KIF14: variants seen among roughly 807,000 people sequenced by gnomAD.
KIF14 encodes kinesin-like protein KIF14.
A neutral mutation model predicts 176.2 loss-of-function variants in KIF14; 98 were observed. The observed-to-expected ratio is 0.56, with a 90% CI of 0.47 to 0.66. The LOEUF (loss-of-function observed/expected upper bound fraction) is 0.66, where lower values mean the gene tolerates loss of function less well. Among genes scored for constraint, KIF14 ranks in the 30% least tolerant of loss-of-function variants. The pLI is 0.00. For missense variants in KIF14, 1,751 were observed against 1,920.4 expected (o/e 0.91, Z 1.65); for synonymous variants, 566 against 632.2 (o/e 0.90, Z 1.57).
chr1:200,561,810 AAAG>A lies in KIF14; in HGVS notation c.4072-933_4072-931del, dbSNP rs201236965. On this transcript the variant is annotated intron_variant, in intron 25 of 29. Coordinates refer to ENST00000367350, the MANE Select transcript of KIF14 (RefSeq NM_014875.3). ...AATAAGTAAAAGCCAAAAGAAAGAA[AAAG>A]AAGGGTGGCTCTTTTGCATCTGAAC... Among the ~76,000 whole-genome samples the A allele has an allele frequency of 4.2e-3, 645 of 152,296 alleles. 3 individuals carry two copies. The highest frequency in any genetic ancestry group is 0.015 in the African/African-American group (621 of 41,554).
Position 200,603,260 on chromosome 1 carries a change from C to T in KIF14, c.1945G>A (p.Val649Ile), listed in dbSNP as rs1159847985. The T allele has an allele frequency of 6.2e-7, 1 of 1,607,360 alleles. No homozygotes were observed. The highest frequency in any genetic ancestry group is 2.2e-5 in the East Asian group (1 of 44,754). ...ACAGATTCACGATAAGGAATAAAAA[C>T]ACTCCTTTGGTTTGCTTGTTCCGAA... ...ALSEQANQRS[V>I]FIPYRESVLT... Residue 649 changes from valine to isoleucine, a missense_variant, in exon 10 of 30, where the codon GTT becomes ATT. Coordinates refer to ENST00000367350, the MANE Select transcript of KIF14 (RefSeq NM_014875.3).
intron 4 of KIF14, among the ~76,000 whole-genome samples, chr1:200,613,620 A>T (rs1196063653): frequency 6.6e-6 from 1 of 152,030 alleles, no homozygotes; most frequent in Non-Finnish European, 1.5e-5. Context: ...AAAGCATGAA[A>T]ATTATAAAAT....
rs142925135 is a variant in KIF14, at chr1:200,595,976, C to T, written c.2550-2207G>A. ...AAAGATATAAAGATTCATTACAGGC[C>T]GGTCGTGGTAGCTCACACCTGTAAT... is the stretch of plus-strand genomic sequence containing the variant. On this transcript the variant is annotated intron_variant, in intron 14 of 29. Transcript: ENST00000367350. 1.0e-2 allele frequency among the ~76,000 whole-genome samples: 1,506 copies of T among 150,838 alleles called. 14 individuals carry two copies. The highest frequency in any genetic ancestry group is 0.022 in the South Asian group (102 of 4,728).
Position 200,554,563 on chromosome 1 carries a change from T to C in KIF14, c.4472A>G (p.Gln1491Arg), listed in dbSNP as rs1656733353. Residue 1491 changes from glutamine to arginine, a missense_variant, in exon 29 of 30, where the codon CAA (glutamine) becomes CGA (arginine). Gln to Arg is a conservative substitution (Grantham distance 43, BLOSUM62 1). Coordinates refer to ENST00000367350, the MANE Select transcript of KIF14 (RefSeq NM_014875.3). ...RQVQEENFEY[Q>R]DFKRMVNRAP... ...ACGATTAACCATCCTCTTGAAATCT[T>C]GGTATTCAAAGTTTTCTTCTTGTAC... The C allele has an allele frequency of 6.4e-7, 1 of 1,555,034 alleles. No individual in the cohort carries two copies.
chr1:200,580,265 C>A lies in KIF14; in HGVS notation c.3454G>T (p.Glu1152Ter). Residue 1152 changes from glutamate to a stop codon, truncating the protein, a stop_gained, in exon 21 of 30, where the codon GAA becomes TAA. Coordinates refer to ENST00000367350, the MANE Select transcript of KIF14 (RefSeq NM_014875.3). LOFTEE classifies it high-confidence loss of function. The stretch of plus-strand genomic sequence containing the variant: ...ATAATATTCCAAACCTCATAAAGTT[C>A]TTTCATTGCTGCAAGTTTAGATTCA... Reference protein sequence around the residue: ...KFESKLAAMKELYESNGSNRG... With the variant: ...KFESKLAAMK 2.1e-6 allele frequency: 3 copies of A among 1,426,520 alleles called. No individual in the cohort carries two copies. Among genetic ancestry groups the A allele is most frequent in the Non-Finnish European group, 1.9e-6 (2 of 1,077,054 alleles). 88.4% of individuals were successfully genotyped at this position (1,426,520 alleles called of 1,614,324 possible).
intron 22 of KIF14, among the ~76,000 whole-genome samples, chr1:200,572,565 A>T (rs367970534): frequency 2.0e-5 from 3 of 152,074 alleles, no homozygotes; most frequent in Non-Finnish European, 4.4e-5. Flanking sequence ...GGATGGTCTC[A>T]ATCTCCTGAC....
intron 4 of KIF14, 116 bp from the exon 5 acceptor site, chr1:200,609,044 A>G (rs1403852423): frequency 9.4e-6 from 5 of 531,644 alleles, no homozygotes; most frequent in Non-Finnish European, 1.6e-5. Flanking sequence ...ACAACTCAAC[A>G]ACATAAAGAC....
Position 200,618,855 on chromosome 1 carries a change from A to G in KIF14, c.-115-17T>C, listed in dbSNP as rs1285655194. On this transcript the variant is annotated splice_polypyrimidine_tract_variant and intron_variant, in intron 1 of 29. Transcript: ENST00000367350. ...TCTGCTAAACTAAAAGAAAAAAAAA[A>G]GATTTAGATCACACAGACTACAAAC... 1 of 709,446 alleles carries G rather than the reference A, an allele frequency of 1.4e-6. No individual in the cohort carries two copies. The highest frequency in any genetic ancestry group is 1.8e-5 in the African/African-American group (1 of 55,818). The allele number at this position is 709,446 out of a possible 1,614,324, so 43.9% of individuals were successfully genotyped here. A position where few individuals can be genotyped will look rare whatever the true frequency, so the allele number is the denominator to read the frequency against.
In KIF14 at chr1:200,605,526, T is replaced by A. The variant is rs543248053; in HGVS notation, c.1639-136A>T. On this transcript the variant is annotated intron_variant, in intron 7 of 29. Coordinates refer to ENST00000367350, the MANE Select transcript of KIF14 (RefSeq NM_014875.3). ...TCAATGATATAAAAATTAAGAGAGA[T>A]AACATATACACATTTGTAATTAATT... 3 of 547,244 alleles carry A rather than the reference T, an allele frequency of 5.5e-6. No homozygotes were observed. The South Asian group carries it at 8.6e-5, about 16-fold the overall frequency. The allele number at this position is 547,244 out of a possible 1,614,324, so 33.9% of individuals were successfully genotyped here.
rs869174532 is a variant in KIF14, at chr1:200,573,427, C to CTTTTTTT, written c.3566+2157_3566+2163dup. Among the ~76,000 whole-genome samples the CTTTTTTT allele has an allele frequency of 6.6e-3, 510 of 77,734 alleles. 14 individuals are homozygous for CTTTTTTT. The highest frequency in any genetic ancestry group is 0.013 in the African/African-American group (227 of 17,552). 51.0% of individuals were successfully genotyped at this position (77,734 alleles called of 152,430 possible). A position where few individuals can be genotyped will look rare whatever the true frequency, so the allele number is the denominator to read the frequency against. On this transcript the variant is annotated intron_variant, in intron 22 of 29. Transcript: ENST00000367350. ...TTCCCTACACTCAAGGAGCTCATTT[C>CTTTTTTT]TTTTTTTTTTTTTTTTTTTTTTTTG...
intron 14 of KIF14, 71 bp downstream of exon 14, chr1:200,598,166 T>C: frequency 7.5e-7 from 1 of 1,333,600 alleles, no homozygotes. Context: ...GAATATGCCA[T>C]ATGAAGGAAA....
intron 18 of KIF14, 33 bp downstream of exon 18, chr1:200,589,184 G>T: frequency 6.5e-7 from 1 of 1,544,884 alleles, no homozygotes; most frequent in South Asian, 1.2e-5. Flanking sequence ...CTTTTTCTCA[G>T]AATAGAGTTA....
rs534364451 is a variant in KIF14, at chr1:200,572,633, G to A, written c.3567-2628C>T. Among the ~76,000 whole-genome samples, 375 of 152,264 alleles carry A rather than the reference G, an allele frequency of 2.5e-3. 1 individual carries two copies. Among genetic ancestry groups the A allele is most frequent in the Non-Finnish European group, 3.2e-3 (220 of 68,012 alleles). On this transcript the variant is annotated intron_variant, in intron 22 of 29. Coordinates refer to ENST00000367350, the MANE Select transcript of KIF14 (RefSeq NM_014875.3). ...GCTGGGATTACAAGCATGAGCCACT[G>A]CACCCAGCCCCGGTAGGCTAAACGT... is the stretch of plus-strand genomic sequence containing the variant.
intron 22 of KIF14, among the ~76,000 whole-genome samples, chr1:200,575,233 G>T (rs980914044): frequency 6.6e-6 from 1 of 152,042 alleles, no homozygotes; most frequent in African/African-American, 2.4e-5. Flanking sequence ...TGGGATTACA[G>T]GCATGAGCCA....
At position 200,560,748 on chromosome 1, in the gene KIF14, C is replaced by G. The variant is rs377335626; in HGVS notation, c.4204G>C (p.Gly1402Arg). 1.9e-6 allele frequency: 3 copies of G among 1,614,164 alleles called. No individual in the cohort carries two copies. The highest frequency in any genetic ancestry group is 1.7e-6 in the Non-Finnish European group (2 of 1,180,020). The change falls in exon 26 of 30, where the codon GGT becomes CGT. Residue 1402 changes from glycine to arginine, a missense_variant. Physicochemically the swap from Gly to Arg is moderately radical, Grantham distance 125. Transcript: ENST00000367350. Reference sequence around the variant, plus strand: ...TGGACACTGGCAGCTTTATTGTTACCGTTTTCTAGAAAATGTAGCTTGCTC... The same window carrying G: ...TGGACACTGGCAGCTTTATTGTTACGGTTTTCTAGAAAATGTAGCTTGCTC... ...KGSKLHFLENGNNKAASVQEE... is the reference protein window; with the variant it reads ...KGSKLHFLENRNNKAASVQEE...
At chr1:200,562,230 G>C (rs3890735) in intron 25 of KIF14, among the ~76,000 whole-genome samples, 79,105 of 152,048 alleles carry the variant, frequency 0.52, 21,330 homozygotes, top group East Asian at 0.69. Context: ...AAGTCGCCTG[G>C]TCTCTCCATC....
intron 16 of KIF14, among the ~76,000 whole-genome samples, chr1:200,591,456 T>C (rs1485433333): frequency 6.6e-6 from 1 of 152,270 alleles, no homozygotes; most frequent in East Asian, 1.9e-4. Flanking sequence ...GTCTCACGTC[T>C]GCTCAAAATT....
chr1:200,591,802 A>G (rs886352803), intron 16 of KIF14, among the ~76,000 whole-genome samples: 9 of 152,132 alleles, frequency 5.9e-5, no homozygotes, highest in Non-Finnish European at 1.3e-4. Flanking sequence ...GTGTCATAGC[A>G]CTGTTATAAC....
chr1:200,560,821 A>G lies in KIF14; in HGVS notation c.4131T>C (p.Ile1377=). 6.2e-7 allele frequency: 1 copy of G among 1,614,104 alleles called. No homozygotes were observed. The highest frequency in any genetic ancestry group is 8.5e-7 in the Non-Finnish European group (1 of 1,179,922). The change falls in exon 26 of 30, where the codon ATT becomes ATC. Residue 1377 remains isoleucine, a synonymous_variant. Coordinates refer to ENST00000367350, the MANE Select transcript of KIF14 (RefSeq NM_014875.3). ...IKEAQKNAIQ[I]VQQAVKYVGQ... ...CCACATACTTTACAGCTTGTTGTAC[A>G]ATTTGGATTGCATTCTTTTGAGCCT... is the stretch of plus-strand genomic sequence containing the variant.
Sources: allele counts gnomAD v4.1 joint callset (sites outside exome capture counted in the v4.1 genomes callset), GRCh38; gene constraint gnomAD v4.1.1; transcripts MANE v1.5; gene names NCBI Gene and HGNC (gene_info 2026-07-23, HGNC 2026-07-21).